The following SHANK2 variants were observed in gnomAD, a reference collection of about 807,000 sequenced individuals.
SHANK2 encodes the protein SH3 and multiple ankyrin repeat domains protein 2.
A neutral mutation model predicts 133.7 loss-of-function variants in SHANK2; 43 were observed. That is an observed-to-expected ratio of 0.32 (90% CI 0.25 to 0.41). The LOEUF is 0.41. SHANK2 is among the 10% of genes least tolerant of loss of function. SHANK2 has a pLI of 1.00. For missense variants in SHANK2, 1,994 were observed against 2,235.8 expected (o/e 0.89, Z 2.18); for synonymous variants, 1,017 against 952.8 (o/e 1.07, Z -1.24).
chr11:71,137,320 G>C (rs1281707792), intron 3 of SHANK2, among the ~76,000 whole-genome samples: 1 of 105,270 alleles, frequency 9.5e-6, no homozygotes, highest in African/African-American at 4.2e-5. Context: ...AAAAAAAAAA[G>C]GTAACTGCTA....
chr11:70,586,674 T>G (rs1269859334), intron 17 of SHANK2, among the ~76,000 whole-genome samples: 1 of 152,120 alleles, frequency 6.6e-6, no homozygotes, highest in Non-Finnish European at 1.5e-5. Context: ...TTTAGCAATT[T>G]GAAAAAAGCA....
At chr11:71,082,381 GA>G (rs1951312461) in intron 8 of SHANK2, among the ~76,000 whole-genome samples, 1 of 152,214 alleles carries the variant, frequency 6.6e-6, no homozygotes, top group Non-Finnish European at 1.5e-5. Context: ...TCGATACCTA[GA>G]TGGACAGTGA....
chr11:70,661,856 G>T (rs1217271583), intron 15 of SHANK2, 178 bp from the exon 16 acceptor site: 1 of 1,569,024 alleles, frequency 6.4e-7, no homozygotes, highest in African/African-American at 1.3e-5. Context: ...GAAGAGGGGG[G>T]TGGCTACCGG....
chr11:70,831,517 C>T (rs1324658590), intron 11 of SHANK2, among the ~76,000 whole-genome samples: 1 of 152,190 alleles, frequency 6.6e-6, no homozygotes, highest in Admixed American at 6.5e-5. Context: ...TCCCTCCCTG[C>T]AGCCCCTGCC....
chr11:70,799,444 C>A (rs369922599), intron 13 of SHANK2, among the ~76,000 whole-genome samples: 1 of 152,062 alleles, frequency 6.6e-6, no homozygotes, highest in Admixed American at 6.6e-5. Flanking sequence ...AGAGGATGGG[C>A]GAGCAGCTCA....
intron 15 of SHANK2, among the ~76,000 whole-genome samples, chr11:70,673,089 T>G (rs1307368300): frequency 6.6e-6 from 1 of 152,184 alleles, no homozygotes; most frequent in Non-Finnish European, 1.5e-5. Flanking sequence ...GTCCTGATGT[T>G]TCCTGACAAA....
chr11:70,837,993 AAAAAAAAAG>A (rs1565352151), intron 11 of SHANK2, among the ~76,000 whole-genome samples: 2 of 150,480 alleles, frequency 1.3e-5, no homozygotes, highest in African/African-American at 4.9e-5. Flanking sequence ...AAAAAAAAAA[AAAAAAAAAG>A]AAAAAAAAAA....
chr11:70,739,787 C>T lies in SHANK2; in HGVS notation c.1778-41024G>A, dbSNP rs1216728625. On this transcript the variant is annotated intron_variant, in intron 14 of 25. Coordinates refer to ENST00000601538, the MANE Select transcript of SHANK2 (RefSeq NM_012309.5). The surrounding 1 kb of genome is among the most constrained non-coding windows in gnomAD (Gnocchi z 4.3). ...TTAAAACGAGGTACTGTGATGGGCCCTCATCCAGCATGACAGTGTCTTTGT... is the reference window on the plus strand; with the variant it reads ...TTAAAACGAGGTACTGTGATGGGCCTTCATCCAGCATGACAGTGTCTTTGT... Among the ~76,000 whole-genome samples the T allele has an allele frequency of 1.3e-5, 2 of 152,214 alleles. No homozygotes were observed. Among genetic ancestry groups the T allele is most frequent in the African/African-American group, 4.8e-5 (2 of 41,450 alleles).
intron 2 of SHANK2, among the ~76,000 whole-genome samples, chr11:71,167,488 G>C (rs1555111184): frequency 7.1e-6 from 1 of 140,994 alleles, no homozygotes; most frequent in Non-Finnish European, 1.5e-5. Flanking sequence ...AGTAGGGGCG[G>C]CCGGGCAGAG....
In SHANK2 at chr11:70,553,398, T is replaced by G. The variant is rs979283150; in HGVS notation, c.2062-50467A>C. ...GTGAGCCACCGTGCCCGGCCTGATCTTAATCATCTCTTTAAAGACCCTGTC... is the reference window on the plus strand; with the variant it reads ...GTGAGCCACCGTGCCCGGCCTGATCGTAATCATCTCTTTAAAGACCCTGTC... On this transcript the variant is annotated intron_variant, in intron 17 of 25. Coordinates refer to ENST00000601538, the MANE Select transcript of SHANK2 (RefSeq NM_012309.5). Among the ~76,000 whole-genome samples the G allele has an allele frequency of 2.6e-5, 4 of 152,310 alleles. No individual in the cohort carries two copies. The South Asian group carries it at 8.3e-4, about 32-fold the overall frequency.
intron 11 of SHANK2, among the ~76,000 whole-genome samples, chr11:70,823,681 G>A (rs1948591159): frequency 6.6e-6 from 1 of 150,460 alleles, no homozygotes; most frequent in Non-Finnish European, 1.5e-5. Flanking sequence ...GGACAGAGGT[G>A]GCGCTGGCAG....
chr11:70,779,529 G>A (rs1177103198), intron 14 of SHANK2, among the ~76,000 whole-genome samples: 1 of 152,106 alleles, frequency 6.6e-6, no homozygotes, highest in Non-Finnish European at 1.5e-5. Flanking sequence ...CTGATGTTTT[G>A]CCGAGGGTTT....
chr11:70,908,614 G>C lies in SHANK2; in HGVS notation c.1108-12047C>G, dbSNP rs576636611. On this transcript the variant is annotated intron_variant, in intron 10 of 25. Transcript: ENST00000601538. ...CTGGGATCGAGCAGAAGCTCCGAAGGCTGCACAGCAACCTGGGATTCGGAC... is the reference window on the plus strand; with the variant it reads ...CTGGGATCGAGCAGAAGCTCCGAAGCCTGCACAGCAACCTGGGATTCGGAC... 2.6e-5 allele frequency among the ~76,000 whole-genome samples: 4 copies of C among 152,276 alleles called. No individual in the cohort carries two copies. In the East Asian group the frequency reaches 7.7e-4, roughly 29 times the overall value.
intron 14 of SHANK2, among the ~76,000 whole-genome samples, chr11:70,776,852 T>G (rs1555043990): frequency 6.7e-6 from 1 of 149,686 alleles, no homozygotes; most frequent in Non-Finnish European, 1.5e-5. Context: ...CATTCATCCA[T>G]GCATCAATCC....
intron 25 of SHANK2, among the ~76,000 whole-genome samples, chr11:70,481,776 C>A (rs562367001): frequency 8.9e-4 from 136 of 152,364 alleles, no homozygotes; most frequent in Middle Eastern, 3.4e-3. Context: ...TGGTGAGTCG[C>A]CCAGGCGGTG....
chr11:70,896,597 T>C (rs1331763121), intron 10 of SHANK2, 30 bp from the exon 11 acceptor site: 3 of 718,202 alleles, frequency 4.2e-6, no homozygotes, highest in Non-Finnish European at 7.8e-6. Flanking sequence ...TTAAGTTAAG[T>C]GTCACCTGCA....
At chr11:71,243,991 G>T (rs144205957) in intron 1 of SHANK2, among the ~76,000 whole-genome samples, 41 of 152,288 alleles carry the variant, frequency 2.7e-4, no homozygotes, top group African/African-American at 9.4e-4. Context: ...AAAAATGGAA[G>T]ACAATGCTTC....
chr11:71,225,811 T>TA (rs1954630625), intron 1 of SHANK2, among the ~76,000 whole-genome samples: 1 of 151,982 alleles, frequency 6.6e-6, no homozygotes, highest in African/African-American at 2.4e-5. Flanking sequence ...ACCAAAGATA[T>TA]AAAAAAGAAT....
intron 5 of SHANK2, among the ~76,000 whole-genome samples, chr11:71,113,019 T>C (rs1304227927): frequency 6.6e-6 from 1 of 152,192 alleles, no homozygotes; most frequent in Non-Finnish European, 1.5e-5. Context: ...TCTTCAGAGA[T>C]GCCGCTTTTG....
Sources: gnomAD v4.1 joint callset for allele counts (sites outside exome capture counted in the v4.1 genomes callset) on GRCh38, gnomAD v4.1.1 for gene constraint, Gnocchi (gnomAD v3.1) non-coding constraint, MANE v1.5 for transcripts, NCBI Gene and HGNC (gene_info 2026-07-23, HGNC 2026-07-21) for gene names.